The following LEPR variants were observed in gnomAD, a reference collection of about 807,000 sequenced individuals.
LEPR encodes OB receptor.
Under a neutral mutation model 114.7 loss-of-function variants are expected in LEPR, and 56 were observed. The observed-to-expected ratio is 0.49, with a 90% CI of 0.39 to 0.61. The LOEUF is 0.61. Among genes scored for constraint, LEPR ranks in the 20% least tolerant of loss-of-function variants. The pLI is 0.00. For missense variants in LEPR, 1,202 were observed against 1,352.9 expected, an observed-to-expected ratio of 0.89 and a Z score of 1.75; for synonymous variants, 443 against 461.4, an observed-to-expected ratio of 0.96 and a Z score of 0.51.
intron 4 of LEPR, among the ~76,000 whole-genome samples, chr1:65,571,752 G>C (rs1412470204): frequency 8.1e-6 from 1 of 124,148 alleles, no homozygotes; most frequent in Admixed American, 1.0e-4. Flanking sequence ...TCAGGAGTTA[G>C]AGACCAGCCT....
At chr1:65,465,088 G>A (rs1234434572) in intron 2 of LEPR, among the ~76,000 whole-genome samples, 1 of 151,970 alleles carries the variant, frequency 6.6e-6, no homozygotes, top group African/African-American at 2.4e-5. Context: ...GTTTGCTCTT[G>A]CTTCTCTACT....
At chr1:65,564,602 A>G (rs1375404849) in intron 2 of LEPR, among the ~76,000 whole-genome samples, 1 of 152,178 alleles carries the variant, frequency 6.6e-6, no homozygotes, top group East Asian at 1.9e-4. Flanking sequence ...AATGTTTTAC[A>G]CTATTCTTTG....
chr1:65,560,077 A>G (rs1473742817), intron 2 of LEPR, among the ~76,000 whole-genome samples: 2 of 138,818 alleles, frequency 1.4e-5, no homozygotes, highest in Admixed American at 6.9e-5. Flanking sequence ...GTTTTTTCCA[A>G]TTCTGTGAAG....
intron 2 of LEPR, among the ~76,000 whole-genome samples, chr1:65,436,327 G>C (rs1387700668): frequency 2.0e-5 from 3 of 152,188 alleles, no homozygotes; most frequent in Non-Finnish European, 4.4e-5. Context: ...ATTTTGAAGA[G>C]TCTTTTTGCA....
intron 2 of LEPR, among the ~76,000 whole-genome samples, chr1:65,488,226 C>CTTTCTTTCTTTCTTTCTTTCTTTT (rs1165679914): frequency 1.5e-5 from 1 of 67,968 alleles, no homozygotes; most frequent in African/African-American, 8.7e-5. Flanking sequence ...CTCTCTCTCT[C>CTTTCTTTCTTTCTTTCTTTCTTTT]TCTTTCTTTC....
intron 14 of LEPR, among the ~76,000 whole-genome samples, chr1:65,612,259 A>T (rs1030663294): frequency 6.6e-6 from 1 of 152,266 alleles, no homozygotes; most frequent in African/African-American, 2.4e-5. Flanking sequence ...GACGGCAAAG[A>T]TAGTACAGAG....
At chr1:65,440,834 A>G (rs761618297) in intron 2 of LEPR, among the ~76,000 whole-genome samples, 9 of 152,236 alleles carry the variant, frequency 5.9e-5, no homozygotes, top group Non-Finnish European at 1.0e-4. Context: ...GGATTGCTCT[A>G]GCTGTGTTTT....
chr1:65,420,839 G>T (rs1412689268), intron 1 of LEPR, 99 bp downstream of exon 1: 6 of 1,407,514 alleles, frequency 4.3e-6, no homozygotes, highest in South Asian at 1.3e-5. Flanking sequence ...TTGGGGAACG[G>T]CCTCACCACC....
intron 2 of LEPR, among the ~76,000 whole-genome samples, chr1:65,526,635 G>A (rs777142770): frequency 1.7e-4 from 26 of 152,216 alleles, no homozygotes; most frequent in Middle Eastern, 3.4e-3. Context: ...CACGGCTCTG[G>A]AATTGGAATC....
At chr1:65,538,969 T>G (rs1002164223) in intron 2 of LEPR, among the ~76,000 whole-genome samples, 8 of 152,008 alleles carry the variant, frequency 5.3e-5, no homozygotes, top group Admixed American at 5.2e-4. Flanking sequence ...ATTTTCTCCT[T>G]TCTATTCTTT....
At chr1:65,502,323 C>G (rs1648494034) in intron 2 of LEPR, among the ~76,000 whole-genome samples, 1 of 152,008 alleles carries the variant, frequency 6.6e-6, no homozygotes, top group African/African-American at 2.4e-5. Flanking sequence ...ATCTGTAAAC[C>G]AAGGAGAGAG....
At chr1:65,425,143 G>T (rs1646334542) in intron 1 of LEPR, among the ~76,000 whole-genome samples, 160 bp from the exon 2 acceptor site, 1 of 152,002 alleles carries the variant, frequency 6.6e-6, no homozygotes, top group Admixed American at 6.6e-5. Flanking sequence ...AGTATATTCA[G>T]AAGGTTATGC....
At chr1:65,584,845 T>G (rs1459257956) in intron 5 of LEPR, among the ~76,000 whole-genome samples, 1 of 152,092 alleles carries the variant, frequency 6.6e-6, no homozygotes, top group Non-Finnish European at 1.5e-5. Flanking sequence ...TTTTTCCCAC[T>G]TTCTCTTCTC....
At chr1:65,629,761 T>C (rs1387829131) in intron 19 of LEPR, among the ~76,000 whole-genome samples, 1 of 151,860 alleles carries the variant, frequency 6.6e-6, no homozygotes, top group Non-Finnish European at 1.5e-5. Context: ...GCTGTTATGT[T>C]ACCTATTTTA....
At chr1:65,501,985 T>C (rs1648476674) in intron 2 of LEPR, among the ~76,000 whole-genome samples, 1 of 152,278 alleles carries the variant, frequency 6.6e-6, no homozygotes, top group East Asian at 1.9e-4. Flanking sequence ...GTGAAAGTTA[T>C]ATGAGATACA....
chr1:65,508,569 T>A (rs1334202715), intron 2 of LEPR, among the ~76,000 whole-genome samples: 2 of 152,192 alleles, frequency 1.3e-5, no homozygotes, highest in Non-Finnish European at 2.9e-5. Flanking sequence ...GCCAGTACCA[T>A]GTTGTTTTGA....
At chr1:65,572,804 T>C (rs1376052098) in intron 5 of LEPR, among the ~76,000 whole-genome samples, 1 of 152,204 alleles carries the variant, frequency 6.6e-6, no homozygotes, top group East Asian at 1.9e-4. Context: ...TCAGCAGCTC[T>C]CTATCAGCAG....
intron 2 of LEPR, among the ~76,000 whole-genome samples, chr1:65,472,490 G>A (rs940206421): frequency 7.2e-6 from 1 of 138,254 alleles, no homozygotes; most frequent in Non-Finnish European, 1.5e-5. Context: ...TTTACTTATA[G>A]CCATAGGTAA....
chr1:65,438,285 C>T (rs1169692321), intron 2 of LEPR, among the ~76,000 whole-genome samples: 1 of 152,018 alleles, frequency 6.6e-6, no homozygotes, highest in Non-Finnish European at 1.5e-5. Flanking sequence ...GGCACGGTGG[C>T]TCACGCCTGT....
Sources: allele counts gnomAD v4.1 joint callset (sites outside exome capture counted in the v4.1 genomes callset), GRCh38; gene constraint gnomAD v4.1.1; transcripts MANE v1.5; gene names NCBI Gene and HGNC (gene_info 2026-07-23, HGNC 2026-07-21).